Variants in SLC24A3 observed in about 807,000 individuals in gnomAD.
The protein encoded by SLC24A3 is sodium/potassium/calcium exchanger 3.
SLC24A3 carries 28 observed loss-of-function variants against 75.8 expected under a neutral mutation model. The ratio of observed to expected loss-of-function variants is 0.37; its 90% CI spans 0.27 to 0.51. SLC24A3 has a LOEUF of 0.51. Among genes scored for constraint, SLC24A3 ranks in the 20% least tolerant of loss-of-function variants. The probability of loss-of-function intolerance (pLI) is 0.94; values close to 1 mark genes in which losing one functional copy is unlikely to be tolerated. For synonymous variants in SLC24A3, 372 were observed against 334.1 expected, an observed-to-expected ratio of 1.11 and a Z score of -1.24; for missense variants, 663 against 847.8, an observed-to-expected ratio of 0.78 and a Z score of 2.71.
intron 2 of SLC24A3, among the ~76,000 whole-genome samples, chr20:19,450,171 C>T (rs1987456050): frequency 2.6e-5 from 4 of 152,142 alleles, no homozygotes; most frequent in Admixed American, 2.6e-4. Flanking sequence ...TTCTTTGGCT[C>T]ATAAGAAGTT....
chr20:19,555,456 C>T lies in SLC24A3; in HGVS notation c.349-24544C>T, dbSNP rs78862980. Among the ~76,000 whole-genome samples the T allele has an allele frequency of 2.6e-4, 40 of 152,220 alleles. 2 individuals carry two copies. In the East Asian group the frequency reaches 7.1e-3, roughly 27 times the overall value. On this transcript the variant is annotated intron_variant, in intron 3 of 16. Transcript: ENST00000328041. The stretch of plus-strand genomic sequence containing the variant: ...GCCATATTTCTTCTTCCATTAGTCT[C>T]GACAATGGGAAAGAAAAATAGATGC...
chr20:19,508,788 G>T (rs2122550475), intron 2 of SLC24A3, among the ~76,000 whole-genome samples: 1 of 152,384 alleles, frequency 6.6e-6, no homozygotes, highest in South Asian at 2.1e-4. Flanking sequence ...TTTGGGGAAT[G>T]ACTCTCAGCT....
chr20:19,626,691 T>C (rs747530555), intron 6 of SLC24A3, among the ~76,000 whole-genome samples: 9 of 152,322 alleles, frequency 5.9e-5, no homozygotes, highest in Non-Finnish European at 1.3e-4. Context: ...ATAACTCTAG[T>C]GGCTTTGCTC....
At chr20:19,323,994 C>T (rs1356742593) in intron 2 of SLC24A3, among the ~76,000 whole-genome samples, 4 of 152,154 alleles carry the variant, frequency 2.6e-5, no homozygotes, top group African/African-American at 4.8e-5. Flanking sequence ...CTTGCAAGGT[C>T]GTTGATTGGT....
chr20:19,325,531 G>C (rs1984818508), intron 2 of SLC24A3, among the ~76,000 whole-genome samples: 1 of 151,376 alleles, frequency 6.6e-6, no homozygotes, highest in Non-Finnish European at 1.5e-5. Flanking sequence ...CCTGTTCTCA[G>C]AAGCGATGGT....
chr20:19,672,049 G>A (rs1233494691), intron 8 of SLC24A3, among the ~76,000 whole-genome samples: 2 of 152,128 alleles, frequency 1.3e-5, no homozygotes, highest in Non-Finnish European at 2.9e-5. Context: ...AATCGAACAG[G>A]ATGATGGACA....
intron 2 of SLC24A3, among the ~76,000 whole-genome samples, chr20:19,446,038 C>T (rs1600232747): frequency 6.6e-6 from 1 of 152,246 alleles, no homozygotes; most frequent in South Asian, 2.1e-4. Flanking sequence ...AAATGAGGCC[C>T]GTAGGGGTTC....
At chr20:19,691,594 C>G (rs1028207153) in intron 12 of SLC24A3, among the ~76,000 whole-genome samples, 1 of 152,118 alleles carries the variant, frequency 6.6e-6, no homozygotes, top group Non-Finnish European at 1.5e-5. Context: ...CAGTAGTCCC[C>G]GTAGGAAGCC....
rs113777960 is a variant in SLC24A3 at position 19,281,134 on chromosome 20, C to T, written c.271+47C>T. ...GGGCAGCAGCTGTCATTTTCTCTGG[C>T]TATGGCTGAGGAAGAGCCAGCTGCT... On this transcript the variant is annotated intron_variant, in intron 2 of 16. Transcript: ENST00000328041. 1.5e-3 allele frequency: 2,479 copies of T among 1,604,000 alleles called. 37 individuals are homozygous for T. In the African/African-American group the frequency reaches 0.028, roughly 18 times the overall value.
At chr20:19,348,906 C>T (rs1171162662) in intron 2 of SLC24A3, among the ~76,000 whole-genome samples, 1 of 152,118 alleles carries the variant, frequency 6.6e-6, no homozygotes, top group Admixed American at 6.5e-5. Context: ...GAGACAATTT[C>T]TCCCTCAGGT....
At chr20:19,568,382 G>T (rs1054958299) in intron 3 of SLC24A3, among the ~76,000 whole-genome samples, 1 of 152,160 alleles carries the variant, frequency 6.6e-6, no homozygotes, top group Non-Finnish European at 1.5e-5. Context: ...CAGATAAATG[G>T]ATAAGCACAT....
intron 6 of SLC24A3, among the ~76,000 whole-genome samples, chr20:19,643,881 AC>A (rs1807894333): frequency 6.6e-6 from 1 of 152,244 alleles, no homozygotes; most frequent in African/African-American, 2.4e-5. Context: ...AATTCATAAA[AC>A]AAGGAAATAT....
rs200041542 is a variant in SLC24A3, at chr20:19,617,921, C to T, written c.612+32377C>T. Among the ~76,000 whole-genome samples, 20 of 152,246 alleles carry T rather than the reference C, an allele frequency of 1.3e-4. No individual in the cohort carries two copies. The East Asian group carries it at 3.9e-3, about 29-fold the overall frequency. The stretch of plus-strand genomic sequence containing the variant: ...TTGATCTCCAACTTCCAAGCCAGAT[C>T]CTGGGGAGCTTAAAAACTCCTCTCA... On this transcript the variant is annotated intron_variant, in intron 6 of 16. Transcript: ENST00000328041.
rs78615173 is a variant in SLC24A3 at position 19,662,751 on chromosome 20, G to A, written c.688-3113G>A. Among the ~76,000 whole-genome samples the A allele has an allele frequency of 5.9e-3, 903 of 152,338 alleles. 2 individuals carry two copies. Among genetic ancestry groups the A allele is most frequent in the Middle Eastern group, 0.027 (8 of 294 alleles). ...TAAACTACAGAGGGATACGCAACAC[G>A]TGTCTTAAATGTATTGAATAACATG... On this transcript the variant is annotated intron_variant, in intron 7 of 16. Coordinates refer to ENST00000328041, the MANE Select transcript of SLC24A3 (RefSeq NM_020689.4).
intron 3 of SLC24A3, among the ~76,000 whole-genome samples, chr20:19,530,929 G>GA (rs1362947093): frequency 1.3e-5 from 2 of 152,092 alleles, no homozygotes; most frequent in Non-Finnish European, 2.9e-5. Flanking sequence ...AGTGCAGGCA[G>GA]AAAAAAGGCC....
intron 6 of SLC24A3, among the ~76,000 whole-genome samples, chr20:19,626,692 G>A (rs1213452771): frequency 6.6e-6 from 1 of 152,166 alleles, no homozygotes; most frequent in Non-Finnish European, 1.5e-5. Flanking sequence ...TAACTCTAGT[G>A]GCTTTGCTCC....
At position 19,613,385 on chromosome 20, in the gene SLC24A3, C is replaced by T. The variant is rs968038862; in HGVS notation, c.612+27841C>T. Among the ~76,000 whole-genome samples the T allele has an allele frequency of 2.6e-5, 4 of 152,138 alleles. No individual in the cohort carries two copies. In the South Asian group the frequency reaches 8.3e-4, roughly 31 times the overall value. On this transcript the variant is annotated intron_variant, in intron 6 of 16. Transcript: ENST00000328041. Reference sequence around the variant, plus strand: ...ATAATCAAGTGCCTATCCCCAATGGCTTATAGTTCAGGGATAAAGAGCCTA... The same window carrying T: ...ATAATCAAGTGCCTATCCCCAATGGTTTATAGTTCAGGGATAAAGAGCCTA...
intron 1 of SLC24A3, 131 bp from the exon 2 acceptor site, chr20:19,280,828 A>G (rs1056856570): frequency 1.5e-6 from 2 of 1,295,080 alleles, no homozygotes; most frequent in African/African-American, 2.9e-5. Flanking sequence ...TCAGGCAGCT[A>G]GAGGCAGAGT....
rs556002037 is a variant in SLC24A3, at chr20:19,479,760, A to G, written c.272-35728A>G. Among the ~76,000 whole-genome samples the G allele has an allele frequency of 3.9e-5, 6 of 152,162 alleles. No homozygotes were observed. In the East Asian group the frequency reaches 1.2e-3, roughly 29 times the overall value. ...GGCTGGAGCTGCATCAGGGGCATTA[A>G]CCCCTAGCTCTGGTCTGTCCCATTG... On this transcript the variant is annotated intron_variant, in intron 2 of 16. Transcript: ENST00000328041.
Sources: allele counts gnomAD v4.1 joint callset (sites outside exome capture counted in the v4.1 genomes callset), GRCh38; gene constraint gnomAD v4.1.1; transcripts MANE v1.5; gene names NCBI Gene and HGNC (gene_info 2026-07-23, HGNC 2026-07-21).